The following ADGRA3 variants were observed in gnomAD, a reference collection of about 807,000 sequenced individuals.
ADGRA3 encodes adhesion G protein-coupled receptor A3.
ADGRA3 carries 56 observed loss-of-function variants against 119.8 expected under a neutral mutation model. That is an observed-to-expected ratio of 0.47 (90% CI 0.38 to 0.58). The LOEUF is 0.58. ADGRA3 is among the 20% of genes least tolerant of loss of function. The pLI, the probability that ADGRA3 is intolerant of heterozygous loss-of-function variation, is 0.00. For synonymous variants in ADGRA3, 607 were observed against 623.8 expected (o/e 0.97, Z 0.40); for missense variants, 1,516 against 1,649.0 (o/e 0.92, Z 1.40).
At chr4:22,494,910 C>T (rs547387400) in intron 1 of ADGRA3, among the ~76,000 whole-genome samples, 2 of 152,014 alleles carry the variant, frequency 1.3e-5, no homozygotes, top group South Asian at 2.1e-4. Flanking sequence ...TACTTAAAAC[C>T]GTGGATAGTA....
At chr4:22,489,187 C>CG (rs1208339860) in intron 1 of ADGRA3, among the ~76,000 whole-genome samples, 1 of 152,118 alleles carries the variant, frequency 6.6e-6, no homozygotes, top group African/African-American at 2.4e-5. Context: ...CCAAGCAACA[C>CG]GGGAAGCCCC....
rs568998484 is a variant in ADGRA3, at chr4:22,473,869, G to A, written c.258-26C>T. The A allele has an allele frequency of 1.1e-3, 1,629 of 1,458,530 alleles. 32 individuals carry two copies. In the South Asian group the frequency reaches 0.018, roughly 16 times the overall value. The allele number at this position is 1,458,530 out of a possible 1,614,324, so 90.3% of individuals were successfully genotyped here. On this transcript the variant is annotated intron_variant, in intron 1 of 18. Transcript: ENST00000334304. Reference sequence around the variant, plus strand: ...CTAAAAAATACCAAAAAAATAATAAGTTGCCTAATATACACTACCAATATC... The same window carrying A: ...CTAAAAAATACCAAAAAAATAATAAATTGCCTAATATACACTACCAATATC...
intron 2 of ADGRA3, among the ~76,000 whole-genome samples, chr4:22,467,251 A>C (rs1717693282): frequency 6.6e-6 from 1 of 152,186 alleles, no homozygotes; most frequent in Admixed American, 6.5e-5. Context: ...CGTATGTTTA[A>C]AATTCTTCAT....
intron 1 of ADGRA3, among the ~76,000 whole-genome samples, chr4:22,500,183 A>ACTCTT (rs1719003346): frequency 6.6e-6 from 1 of 151,574 alleles, no homozygotes; most frequent in Admixed American, 6.6e-5. Context: ...TTCTGTAACA[A>ACTCTT]CTGTTCTACA....
At chr4:22,492,823 T>A (rs1163196311) in intron 1 of ADGRA3, among the ~76,000 whole-genome samples, 1 of 152,244 alleles carries the variant, frequency 6.6e-6, no homozygotes, top group African/African-American at 2.4e-5. Flanking sequence ...ATCCCCATCA[T>A]CTAGAGATGA....
At chr4:22,419,452 G>C (rs1287299975) in intron 12 of ADGRA3, among the ~76,000 whole-genome samples, 1 of 152,126 alleles carries the variant, frequency 6.6e-6, no homozygotes, top group African/African-American at 2.4e-5. Context: ...ATGAATAATA[G>C]TGTAATGTGT....
At chr4:22,398,003 T>TG in intron 16 of ADGRA3, 1 of 855,104 alleles carries the variant, frequency 1.2e-6, no homozygotes, top group Non-Finnish European at 1.4e-6. Context: ...GCAAGGTAAG[T>TG]GGGAGTCAGC....
chr4:22,485,383 C>T (rs1050043714), intron 1 of ADGRA3, among the ~76,000 whole-genome samples: 1 of 152,138 alleles, frequency 6.6e-6, no homozygotes, highest in Non-Finnish European at 1.5e-5. Context: ...CATTATAATC[C>T]CACACTTAAC....
rs1468585925 is a variant in ADGRA3 at position 22,515,870 on chromosome 4, G to C, written c.-86C>G. Reference sequence around the variant, plus strand: ...GCCCGGGCGGGCAGGAGCGCGGCGCGGGCCCAGCGGCGACCGGAGCCTTAT... The same window carrying C: ...GCCCGGGCGGGCAGGAGCGCGGCGCCGGCCCAGCGGCGACCGGAGCCTTAT... On this transcript the variant is annotated 5_prime_UTR_variant, in exon 1 of 19. Coordinates refer to ENST00000334304, the MANE Select transcript of ADGRA3 (RefSeq NM_145290.4). The C allele has an allele frequency of 1.1e-5, 10 of 912,270 alleles. No individual in the cohort carries two copies. Among genetic ancestry groups the C allele is most frequent in the Non-Finnish European group, 1.3e-5 (10 of 764,972 alleles). The allele number at this position is 912,270 out of a possible 1,614,324, so 56.5% of individuals were successfully genotyped here.
At chr4:22,428,034 T>C (rs973768203) in intron 10 of ADGRA3, among the ~76,000 whole-genome samples, 9 of 152,204 alleles carry the variant, frequency 5.9e-5, no homozygotes, top group African/African-American at 1.7e-4. Context: ...GTTCTTAATA[T>C]ACAAATGGCT....
At chr4:22,465,739 T>G (rs1717632983) in intron 2 of ADGRA3, among the ~76,000 whole-genome samples, 1 of 152,192 alleles carries the variant, frequency 6.6e-6, no homozygotes, top group Non-Finnish European at 1.5e-5. Flanking sequence ...GGCCAGGATT[T>G]AAGTGTATCT....
At chr4:22,421,706 C>G (rs564920211) in intron 11 of ADGRA3, among the ~76,000 whole-genome samples, 131 of 151,774 alleles carry the variant, frequency 8.6e-4, no homozygotes, top group Non-Finnish European at 1.1e-3. Flanking sequence ...TGGTGAAGCT[C>G]CATCTCTACT....
At chr4:22,436,952 C>G (rs191081205) in intron 8 of ADGRA3, among the ~76,000 whole-genome samples, 1 of 152,132 alleles carries the variant, frequency 6.6e-6, no homozygotes, top group Admixed American at 6.6e-5. Flanking sequence ...CAACACTAAA[C>G]TAAATCTTAT....
chr4:22,400,329 T>C (rs1055841074), intron 16 of ADGRA3, among the ~76,000 whole-genome samples: 8 of 151,958 alleles, frequency 5.3e-5, no homozygotes, highest in Non-Finnish European at 1.0e-4. Context: ...ATAAAGAAAA[T>C]GTGGTCTCTA....
At chr4:22,497,384 T>C (rs1476806496) in intron 1 of ADGRA3, among the ~76,000 whole-genome samples, 1 of 152,040 alleles carries the variant, frequency 6.6e-6, no homozygotes, top group African/African-American at 2.4e-5. Context: ...GTTTCTGACA[T>C]GACACCCTGC....
At chr4:22,494,364 TC>T (rs1248644678) in intron 1 of ADGRA3, among the ~76,000 whole-genome samples, 9 of 151,956 alleles carry the variant, frequency 5.9e-5, no homozygotes, top group Non-Finnish European at 4.4e-5. Context: ...TAGCATATCA[TC>T]AAGAAATAAC....
rs1157232855 is a variant in ADGRA3 at position 22,421,033 on chromosome 4, C to T, written c.1662G>A (p.Gly554=). The T allele has an allele frequency of 6.2e-7, 1 of 1,614,010 alleles. No homozygotes were observed. Reference sequence around the variant, plus strand: ...CTTTCTGGAACACGGTACAGGTCATCCCCGTGAAGCCAGTAGACTTGATGA... The same window carrying T: ...CTTTCTGGAACACGGTACAGGTCATTCCCGTGAAGCCAGTAGACTTGATGA... The part of the protein sequence containing the change: ...AYVIKSTGFT[G]MTCTVFQKVA... The change falls in exon 12 of 19, where the codon GGG becomes GGA. Residue 554 remains glycine, a synonymous_variant. Coordinates refer to ENST00000334304, the MANE Select transcript of ADGRA3 (RefSeq NM_145290.4).
intron 7 of ADGRA3, among the ~76,000 whole-genome samples, chr4:22,440,974 T>G (rs2109070166): frequency 6.6e-6 from 1 of 152,286 alleles, no homozygotes; most frequent in African/African-American, 2.4e-5. Context: ...AGCTAACAAT[T>G]ATATGCCCCT....
intron 16 of ADGRA3, among the ~76,000 whole-genome samples, chr4:22,397,330 C>A (rs371792806): frequency 6.6e-6 from 1 of 151,778 alleles, no homozygotes; most frequent in African/African-American, 2.4e-5. Context: ...TACAGGCGAG[C>A]GCTACTACGC....
Sources: allele counts gnomAD v4.1 joint callset (sites outside exome capture counted in the v4.1 genomes callset), GRCh38; gene constraint gnomAD v4.1.1; transcripts MANE v1.5; gene names NCBI Gene and HGNC (gene_info 2026-07-23, HGNC 2026-07-21).